WDPCP: variants seen among roughly 807,000 people sequenced by gnomAD.
The protein encoded by WDPCP is WD repeat containing planar cell polarity effector.
A neutral mutation model predicts 93.1 loss-of-function variants in WDPCP; 71 were observed. The ratio of observed to expected loss-of-function variants is 0.76; its 90% CI spans 0.63 to 0.93. The LOEUF (loss-of-function observed/expected upper bound fraction) is 0.93. Ranked by LOEUF, WDPCP falls within the 40% of genes least tolerant of loss-of-function variation. WDPCP has a pLI of 0.00. For missense variants in WDPCP, 844 were observed against 887.4 expected, an observed-to-expected ratio of 0.95 and a Z score of 0.62; for synonymous variants, 315 against 315.0, an observed-to-expected ratio of 1.00 and a Z score of 0.00.
intron 1 of WDPCP, among the ~76,000 whole-genome samples, chr2:63,536,920 C>G (rs370792564): frequency 2.0e-5 from 3 of 151,906 alleles, no homozygotes; most frequent in African/African-American, 7.3e-5. Context: ...CATGCACCCC[C>G]ACACCCAGCC....
At chr2:63,383,862 C>T (rs1420944773) in intron 10 of WDPCP, among the ~76,000 whole-genome samples, 1 of 152,102 alleles carries the variant, frequency 6.6e-6, no homozygotes, top group African/African-American at 2.4e-5. Flanking sequence ...TAAAACACTG[C>T]ACCCAACCAC....
chr2:63,368,350 G>C (rs1284416103), intron 12 of WDPCP, among the ~76,000 whole-genome samples: 2 of 149,796 alleles, frequency 1.3e-5, no homozygotes, highest in African/African-American at 5.0e-5. Context: ...TTTTGAGACA[G>C]TGTCTCGCTC....
At chr2:63,588,150 G>T in intron 1 of WDPCP, 47 bp downstream of exon 1, 1 of 1,547,668 alleles carries the variant, frequency 6.5e-7, no homozygotes, top group South Asian at 1.2e-5. Flanking sequence ...CCGCATTCCG[G>T]ATCCTAAGGT....
At chr2:63,278,878 A>G (rs1683287128) in intron 13 of WDPCP, among the ~76,000 whole-genome samples, 1 of 152,232 alleles carries the variant, frequency 6.6e-6, no homozygotes, top group Admixed American at 6.5e-5. Flanking sequence ...TGTGTAAACT[A>G]GAAAACCTAG....
intron 6 of WDPCP, among the ~76,000 whole-genome samples, chr2:63,450,599 G>C (rs1380364688): frequency 6.6e-6 from 1 of 152,074 alleles, no homozygotes; most frequent in Non-Finnish European, 1.5e-5. Flanking sequence ...CCAAGATCAG[G>C]CACACTCAGC....
chr2:63,781,280 G>A (rs1670387784), intron 2 of WDPCP, among the ~76,000 whole-genome samples: 1 of 152,150 alleles, frequency 6.6e-6, no homozygotes. Flanking sequence ...GGCATTCCAT[G>A]ACTGGTATAT....
chr2:63,363,490 C>T (rs1356603248), intron 12 of WDPCP, among the ~76,000 whole-genome samples: 2 of 151,876 alleles, frequency 1.3e-5, no homozygotes, highest in African/African-American at 2.4e-5. Flanking sequence ...CCCAGCTACT[C>T]GGGAGGCTAA....
At position 63,801,289 on chromosome 2, in the gene WDPCP, T is replaced by C. The variant is rs1670689690; in HGVS notation, n.308+12333A>G. On this transcript the variant is annotated intron_variant and non_coding_transcript_variant, in intron 2 of 4. Transcript: ENST00000467687. The stretch of plus-strand genomic sequence containing the variant: ...TTCCTCACCCATGTGAGCCCCTCCA[T>C]AGTGCTCCTTTAGTGTCTCATGATG... Among the ~76,000 whole-genome samples, 3 of 152,276 alleles carry C rather than the reference T, an allele frequency of 2.0e-5. No homozygotes were observed. In the South Asian group the frequency reaches 6.2e-4, roughly 32 times the overall value.
At chr2:63,548,148 C>T (rs1327625340) in intron 1 of WDPCP, among the ~76,000 whole-genome samples, 3 of 150,890 alleles carry the variant, frequency 2.0e-5, no homozygotes, top group Non-Finnish European at 4.4e-5. Flanking sequence ...TTTTAAAAAG[C>T]AAATGTAAGT....
intron 6 of WDPCP, among the ~76,000 whole-genome samples, chr2:63,474,334 T>C (rs1388767423): frequency 2.0e-5 from 3 of 152,098 alleles, no homozygotes; most frequent in East Asian, 3.8e-4. Context: ...AATCAAAGTA[T>C]ACATAAAAAG....
chr2:63,746,282 A>G (rs1669795704), intron 2 of WDPCP, among the ~76,000 whole-genome samples: 1 of 152,160 alleles, frequency 6.6e-6, no homozygotes, highest in Admixed American at 6.5e-5. Flanking sequence ...CTTTACTTTA[A>G]TCTCTTAATC....
chr2:63,473,119 A>G (rs1699784909), intron 6 of WDPCP, among the ~76,000 whole-genome samples: 1 of 152,208 alleles, frequency 6.6e-6, no homozygotes, highest in African/African-American at 2.4e-5. Flanking sequence ...AGGCTTGTTA[A>G]CTTGAGCCTC....
intron 10 of WDPCP, among the ~76,000 whole-genome samples, chr2:63,398,099 T>A (rs1302512816): frequency 6.6e-6 from 1 of 152,052 alleles, no homozygotes; most frequent in Non-Finnish European, 1.5e-5. Flanking sequence ...TTCACTGAAC[T>A]GAGAGGGAAA....
intron 1 of WDPCP, among the ~76,000 whole-genome samples, chr2:63,816,124 T>C (rs1277757801): frequency 6.6e-6 from 1 of 152,130 alleles, no homozygotes; most frequent in Non-Finnish European, 1.5e-5. Context: ...AAATTAAAAA[T>C]ATTATGGGTA....
intron 13 of WDPCP, among the ~76,000 whole-genome samples, chr2:63,293,149 G>A (rs1368556293): frequency 6.6e-6 from 1 of 152,094 alleles, no homozygotes; most frequent in Non-Finnish European, 1.5e-5. Flanking sequence ...TAGATTTAAG[G>A]AGCTGTGCTC....
chr2:63,826,096 T>C (rs1671109608), intron 1 of WDPCP, among the ~76,000 whole-genome samples: 1 of 152,086 alleles, frequency 6.6e-6, no homozygotes, highest in Non-Finnish European at 1.5e-5. Context: ...TTCAATGCCA[T>C]TAAAAGTTCA....
intron 2 of WDPCP, among the ~76,000 whole-genome samples, chr2:63,703,363 C>A (rs989503144): frequency 9.9e-5 from 15 of 152,108 alleles, no homozygotes; most frequent in Non-Finnish European, 1.8e-4. Context: ...TCCTATTTCT[C>A]CACATCCTCT....
At chr2:63,619,773 C>A (rs1343720229) in intron 3 of WDPCP, among the ~76,000 whole-genome samples, 1 of 152,216 alleles carries the variant, frequency 6.6e-6, no homozygotes, top group Non-Finnish European at 1.5e-5. Context: ...AGCTCCCAGG[C>A]AGATCAATGC....
intron 6 of WDPCP, among the ~76,000 whole-genome samples, chr2:63,443,715 G>T (rs567924504): frequency 2.4e-4 from 37 of 152,318 alleles, no homozygotes; most frequent in African/African-American, 8.7e-4. Context: ...TATTGCAGTG[G>T]TTGAGGTGAG....
Sources: allele counts gnomAD v4.1 joint callset (sites outside exome capture counted in the v4.1 genomes callset), GRCh38; gene constraint gnomAD v4.1.1; transcripts MANE v1.5; gene names NCBI Gene and HGNC (gene_info 2026-07-23, HGNC 2026-07-21).